The following KRABD3 variants were observed in gnomAD, a reference collection of about 807,000 sequenced individuals.
KRABD3 encodes the protein KRAB domain containing 3, also known as KRAB domain-containing protein 3.
At chr7:149,728,151 G>T in the KRABD3 span, among the ~76,000 whole-genome samples, 1 of 152,402 alleles carries the variant, frequency 6.6e-6, no homozygotes, top group Non-Finnish European at 1.5e-5. Context: ...TTGTTGCCCT[G>T]CTGTGAGTGG....
the KRABD3 span, chr7:149,720,238 T>A: frequency 1.7e-6 from 2 of 1,196,344 alleles, no homozygotes; most frequent in Non-Finnish European, 2.4e-6. Context: ...CTGCCTCCCC[T>A]ACTGCAACCT....
the KRABD3 span, chr7:149,731,765 C>A: frequency 1.2e-6 from 2 of 1,609,802 alleles, no homozygotes; most frequent in Non-Finnish European, 1.7e-6. Context: ...CATGGAAGAC[C>A]CAGAGTTGCA....
chr7:149,733,981 G>A, the KRABD3 span: 6 of 1,609,558 alleles, frequency 3.7e-6, no homozygotes, highest in Non-Finnish European at 8.5e-7. Flanking sequence ...TGGGAGGAGT[G>A]CAGAGGGCCC....
chr7:149,734,246 C>T, the KRABD3 span: 1 of 660,334 alleles, frequency 1.5e-6, no homozygotes, highest in Non-Finnish European at 2.5e-6. Context: ...GGGTGCCTTC[C>T]TCAGCCTCTG....
chr7:149,723,246 G>A, the KRABD3 span, among the ~76,000 whole-genome samples: 4 of 152,202 alleles, frequency 2.6e-5, no homozygotes, highest in African/African-American at 4.8e-5. Flanking sequence ...TTGCATTGAC[G>A]CCAGGCATGA....
At chr7:149,719,684 AG>A in the KRABD3 span, 1 of 1,601,414 alleles carries the variant, frequency 6.2e-7, no homozygotes, top group Non-Finnish European at 8.5e-7. This position sits in a 1 kb window ranked among gnomAD's most constrained non-coding sequence, Gnocchi z 5.6. Flanking sequence ...TAAGGACGGG[AG>A]GGAGCAGCAC....
the KRABD3 span, chr7:149,731,819 C>G: frequency 1.4e-6 from 2 of 1,454,454 alleles, no homozygotes; most frequent in Admixed American, 3.9e-5. Flanking sequence ...CGGGCCAGGA[C>G]CCAGAGCCCC....
chr7:149,722,480 G>GGGCC, the KRABD3 span: 1 of 1,528,714 alleles, frequency 6.5e-7, no homozygotes, highest in Non-Finnish European at 9.0e-7. Context: ...TGGGCGGGGA[G>GGGCC]CCCAGCCCTC....
chr7:149,721,771 G>T, the KRABD3 span: 8 of 675,084 alleles, frequency 1.2e-5, no homozygotes, highest in South Asian at 7.5e-5. Flanking sequence ...ATCCCGCCCC[G>T]ATCACTGAGC....
the KRABD3 span, chr7:149,733,526 C>G: frequency 3.1e-6 from 5 of 1,594,990 alleles, no homozygotes; most frequent in South Asian, 1.1e-5. Flanking sequence ...GTGGACCCTC[C>G]CACGGGGACC....
the KRABD3 span, among the ~76,000 whole-genome samples, chr7:149,716,741 T>C: frequency 6.6e-6 from 1 of 152,066 alleles, no homozygotes; most frequent in Non-Finnish European, 1.5e-5. Context: ...TCAGGAGCAG[T>C]ATGTGGAAGA....
At chr7:149,729,378 G>A in the KRABD3 span, 2 of 1,461,240 alleles carry the variant, frequency 1.4e-6, no homozygotes, top group Admixed American at 2.5e-5. Flanking sequence ...AGGGTGAGCT[G>A]GCACCTGCCC....
chr7:149,727,671 C>T, the KRABD3 span, among the ~76,000 whole-genome samples: 1 of 152,236 alleles, frequency 6.6e-6, no homozygotes, highest in Non-Finnish European at 1.5e-5. Flanking sequence ...TAGCATGCTT[C>T]ATGTGTTCTG....
At chr7:149,715,340 C>T in the KRABD3 span, 2 of 1,204,506 alleles carry the variant, frequency 1.7e-6, no homozygotes, top group South Asian at 4.3e-5. Flanking sequence ...GCATGAAGGC[C>T]TCGGAGGCAG....
the KRABD3 span, among the ~76,000 whole-genome samples, chr7:149,725,699 T>C: frequency 6.6e-6 from 1 of 152,196 alleles, no homozygotes; most frequent in Non-Finnish European, 1.5e-5. Flanking sequence ...CTCAGAACTC[T>C]CTCCAGTCAC....
At chr7:149,718,795 G>T in the KRABD3 span, among the ~76,000 whole-genome samples, 5 of 152,182 alleles carry the variant, frequency 3.3e-5, no homozygotes, top group African/African-American at 4.8e-5. Flanking sequence ...GATTACAGGC[G>T]TGAGCCACCA....
At chr7:149,720,853 G>T in the KRABD3 span, 2 of 1,597,180 alleles carry the variant, frequency 1.3e-6, no homozygotes, top group Admixed American at 1.7e-5. Flanking sequence ...CCCCGGCACA[G>T]CCTGCACCTC....
At chr7:149,719,876 A>G in the KRABD3 span, 3 of 1,260,632 alleles carry the variant, frequency 2.4e-6, no homozygotes, top group Middle Eastern at 2.0e-4. The surrounding 1 kb of genome is among the most constrained non-coding windows in gnomAD (Gnocchi z 5.6). Flanking sequence ...GGTTCCGACC[A>G]CTCTGCGGTT....
At chr7:149,729,191 T>C in the KRABD3 span, 1 of 1,520,268 alleles carries the variant, frequency 6.6e-7, no homozygotes, top group Non-Finnish European at 8.8e-7. Context: ...AAAACAGGAC[T>C]GAGGGCTGAG....
Sources: gnomAD v4.1 joint callset for allele counts (sites outside exome capture counted in the v4.1 genomes callset) on GRCh38, gnomAD v4.1.1 for gene constraint, Gnocchi (gnomAD v3.1) non-coding constraint, MANE v1.5 for transcripts, NCBI Gene and HGNC (gene_info 2026-07-23, HGNC 2026-07-21) for gene names.